The following ABCB9 variants were observed in gnomAD, a reference collection of about 807,000 sequenced individuals.
ABCB9 encodes the protein ABC-type oligopeptide transporter ABCB9.
Under a neutral mutation model 62.0 loss-of-function variants are expected in ABCB9, and 36 were observed. The observed-to-expected ratio is 0.58, with a 90% confidence interval of 0.45 to 0.77. ABCB9 has a LOEUF of 0.77. Ranked by LOEUF, ABCB9 falls within the 30% of genes least tolerant of loss-of-function variation. The pLI is 0.00. For synonymous variants in ABCB9, 435 were observed against 461.4 expected (o/e 0.94, Z 0.73); for missense variants, 943 against 1,054.7 (o/e 0.89, Z 1.47).
downstream of ABCB9, among the ~76,000 whole-genome samples, chr12:122,925,970 G>A (rs377318459): frequency 6.6e-5 from 10 of 152,332 alleles, no homozygotes; most frequent in East Asian, 1.9e-3. Flanking sequence ...TACACATGAT[G>A]AGAGAAGCCA....
intron 9 of ABCB9, among the ~76,000 whole-genome samples, chr12:122,939,002 T>C (rs796445866): frequency 2.0e-5 from 3 of 152,028 alleles, no homozygotes. Flanking sequence ...TGAAACCCTG[T>C]CTGTACTAAA....
At chr12:122,939,260 A>G (rs1342150036) in intron 9 of ABCB9, among the ~76,000 whole-genome samples, 1 of 152,250 alleles carries the variant, frequency 6.6e-6, no homozygotes, top group South Asian at 2.1e-4. Flanking sequence ...CCACCCAGCA[A>G]TGAAAATGAA....
rs775871785 is a variant in ABCB9 at position 122,940,028 on chromosome 12, T to C, written c.1743+83A>G. ...AACTGTCCATTTATCTCTAGTGCCC[T>C]CTTCCGCACCTGTTACAGCTCACAA... On this transcript the variant is annotated intron_variant, in intron 9 of 11. Coordinates refer to ENST00000280560, the MANE Select transcript of ABCB9 (RefSeq NM_019625.4). The surrounding 1 kb of genome is among the most constrained non-coding windows in gnomAD (Gnocchi z 4.8). The C allele has an allele frequency of 6.7e-7, 1 of 1,496,252 alleles. No homozygotes were observed. The highest frequency in any genetic ancestry group is 2.2e-5 in the Admixed American group (1 of 45,358). 92.7% of individuals were successfully genotyped at this position (1,496,252 alleles called of 1,614,324 possible). A position where few individuals can be genotyped will look rare whatever the true frequency, so the allele number is the denominator to read the frequency against.
At chr12:122,950,645 C>T (rs1008230456) in intron 2 of ABCB9, 80 bp from the exon 3 acceptor site, 1 of 1,122,786 alleles carries the variant, frequency 8.9e-7, no homozygotes, top group Non-Finnish European at 1.3e-6. Flanking sequence ...CAGAAGTCCA[C>T]ACACCAACCC....
Position 122,960,279 on chromosome 12 carries a change from C to T in ABCB9, c.-44G>A, listed in dbSNP as rs1270785290. ...GCGGGTGCTGAAGGCCAGGTTGTAG[C>T]TCACGGGGGCAAGGCCATCATCATC... On this transcript the variant is annotated 5_prime_UTR_variant, in exon 2 of 12. Transcript: ENST00000280560. The T allele has an allele frequency of 2.5e-6, 4 of 1,582,370 alleles. No individual in the cohort carries two copies. The highest frequency in any genetic ancestry group is 1.2e-5 in the South Asian group (1 of 85,824).
chr12:122,968,070 CA>C (rs375982085), upstream of ABCB9, among the ~76,000 whole-genome samples: 6,469 of 147,900 alleles, frequency 0.044, 443 homozygotes, highest in African/African-American at 0.15. Context: ...ACTCTGTAGC[CA>C]GAAAAAAAAA....
intron 11 of ABCB9, chr12:122,931,979 C>T: frequency 1.3e-6 from 1 of 796,072 alleles, no homozygotes; most frequent in Non-Finnish European, 2.0e-6. Flanking sequence ...TCTTGCCCCA[C>T]ACCATACAGC....
intron 9 of ABCB9, 44 bp from the exon 10 acceptor site, chr12:122,935,475 T>C (rs377056518): frequency 3.1e-6 from 5 of 1,587,870 alleles, no homozygotes; most frequent in Non-Finnish European, 3.4e-6. Context: ...AGGAATGTGT[T>C]CATCCAGCTG....
At chr12:122,966,760 G>A (rs760573413), upstream of ABCB9, among the ~76,000 whole-genome samples, 2 of 152,258 alleles carry the variant, frequency 1.3e-5, no homozygotes, top group Non-Finnish European at 2.9e-5. Flanking sequence ...GGAGCCACGG[G>A]CCCATCCTGA....
chr12:122,950,628 G>A, intron 2 of ABCB9, 63 bp from the exon 3 acceptor site: 2 of 1,357,748 alleles, frequency 1.5e-6, no homozygotes, highest in Non-Finnish European at 2.0e-6. Flanking sequence ...CCTTCCTCCT[G>A]AGGCTCCAGA....
rs763436577 is a variant in ABCB9 at position 122,935,407 on chromosome 12, C to A, written c.1768G>T (p.Val590Leu). 1 of 1,613,722 alleles carries A rather than the reference C, an allele frequency of 6.2e-7. No homozygotes were observed. The change falls in exon 10 of 12, where the codon GTG (valine) becomes TTG (leucine). Residue 590 changes from valine to leucine, a missense_variant. Transcript: ENST00000280560. ...RVISLVSQEP[V>L]LFARSITDNI... The stretch of plus-strand genomic sequence containing the variant: ...TCCGTGATGGAGCGGGCGAACAGCA[C>A]GGGCTCCTGGCTCACCAGGGAGATC...
Position 122,947,600 on chromosome 12 carries a change from C to T in ABCB9, c.1053+1024G>A. The T allele has an allele frequency of 2.9e-6, 1 of 350,774 alleles. No individual in the cohort carries two copies. The highest frequency in any genetic ancestry group is 2.0e-5 in the South Asian group (1 of 50,420). 21.7% of individuals were successfully genotyped at this position (350,774 alleles called of 1,614,324 possible). Reference sequence around the variant, plus strand: ...GGGTCACAGCCCTGCCTGTCTGAACCCAGCCTGTCTGTCCCTTAGGGCTCG... The same window carrying T: ...GGGTCACAGCCCTGCCTGTCTGAACTCAGCCTGTCTGTCCCTTAGGGCTCG... On this transcript the variant is annotated intron_variant, in intron 5 of 11. Coordinates refer to ENST00000280560, the MANE Select transcript of ABCB9 (RefSeq NM_019625.4). This position sits in a 1 kb window ranked among gnomAD's most constrained non-coding sequence, Gnocchi z 6.0.
At chr12:122,921,316 G>C (rs1027190304) in intron 11 of ABCB9, among the ~76,000 whole-genome samples, 1 of 152,146 alleles carries the variant, frequency 6.6e-6, no homozygotes, top group Non-Finnish European at 1.5e-5. Context: ...TTAGGAGCCT[G>C]AGGCAGAAGG....
At position 122,935,344 on chromosome 12, in the gene ABCB9, T is replaced by C; in HGVS notation, c.1831A>G (p.Met611Val). Residue 611 changes from methionine (M) to valine (V), a missense_variant, in exon 10 of 12, where the codon ATG becomes GTG. By Grantham distance (21) the Met-to-Val change is conservative. Coordinates refer to ENST00000280560, the MANE Select transcript of ABCB9 (RefSeq NM_019625.4). ...GCCTTCTGTGCGGCCTCCACCACCATCTCGAAAGGCACAGTGGGCAGGCCG... is the reference window on the plus strand; with the variant it reads ...GCCTTCTGTGCGGCCTCCACCACCACCTCGAAAGGCACAGTGGGCAGGCCG... ...SYGLPTVPFE[M>V]VVEAAQKANA... is the part of the protein sequence containing the mutation. The C allele has an allele frequency of 1.2e-6, 2 of 1,614,034 alleles. No individual in the cohort carries two copies. The highest frequency in any genetic ancestry group is 1.7e-6 in the Non-Finnish European group (2 of 1,179,998).
rs1485385056 is a variant in ABCB9, at chr12:122,940,721, C to A, written c.1569+86G>T. 19 of 1,431,358 alleles carry A rather than the reference C, an allele frequency of 1.3e-5. No individual in the cohort carries two copies. The highest frequency in any genetic ancestry group is 1.8e-5 in the Non-Finnish European group (19 of 1,078,660). 88.7% of individuals were successfully genotyped at this position (1,431,358 alleles called of 1,614,324 possible). A position where few individuals can be genotyped will look rare whatever the true frequency, so the allele number is the denominator to read the frequency against. On this transcript the variant is annotated intron_variant, in intron 8 of 11. Coordinates refer to ENST00000280560, the MANE Select transcript of ABCB9 (RefSeq NM_019625.4). This position sits in a 1 kb window ranked among gnomAD's most constrained non-coding sequence, Gnocchi z 4.8. Reference sequence around the variant, plus strand: ...TCTTGCCTGACATATTCCCAGCTGCCCTGCCACAGCCTGGTGTATAGGAGG... The same window carrying A: ...TCTTGCCTGACATATTCCCAGCTGCACTGCCACAGCCTGGTGTATAGGAGG...
At chr12:122,948,400 G>A (rs970003244) in intron 5 of ABCB9, 4 of 458,136 alleles carry the variant, frequency 8.7e-6, no homozygotes, top group Admixed American at 8.1e-5. Context: ...CAAGTTCCAG[G>A]AAGGCAGGGG....
Position 122,944,770 on chromosome 12 carries a change from G to C in ABCB9, c.1252-251C>G, listed in dbSNP as rs1594022061. On this transcript the variant is annotated intron_variant, in intron 6 of 11. Coordinates refer to ENST00000280560, the MANE Select transcript of ABCB9 (RefSeq NM_019625.4). The surrounding 1 kb of genome is among the most constrained non-coding windows in gnomAD (Gnocchi z 4.9). ...CCACAGAACAAGGCTTTCTTTGTGA[G>C]GTCCTGGCACACACATGCCACCCCC... The C allele has an allele frequency of 2.4e-6, 1 of 424,064 alleles. No homozygotes were observed. Among genetic ancestry groups the C allele is most frequent in the South Asian group, 3.0e-5 (1 of 33,800 alleles). 26.3% of individuals were successfully genotyped at this position (424,064 alleles called of 1,614,324 possible). A position where few individuals can be genotyped will look rare whatever the true frequency, so the allele number is the denominator to read the frequency against.
chr12:122,930,110 A>G lies in ABCB9; in HGVS notation c.2102T>C (p.Leu701Pro), dbSNP rs1302344408. The G allele has an allele frequency of 6.4e-7, 1 of 1,556,392 alleles. No individual in the cohort carries two copies. The highest frequency in any genetic ancestry group is 8.7e-7 in the Non-Finnish European group (1 of 1,149,922). The stretch of plus-strand genomic sequence containing the variant: ...GAGGTGCGCGTGCTCCACGGTGCTC[A>G]GCCGGTGCGCGATGATGAGTACCGT... ...KHTVLIIAHR[L>P]STVEHAHLIV... Residue 701 changes from leucine to proline, a missense_variant, in exon 12 of 12, where the codon CTG (leucine) becomes CCG (proline). Coordinates refer to ENST00000280560, the MANE Select transcript of ABCB9 (RefSeq NM_019625.4). The surrounding 1 kb of genome is among the most constrained non-coding windows in gnomAD (Gnocchi z 4.9).
intron 9 of ABCB9, chr12:122,939,364 C>T (rs1425283194): frequency 1.3e-5 from 2 of 152,204 alleles, no homozygotes; most frequent in East Asian, 3.9e-4. Context: ...ACGATTCTAC[C>T]CAGATGAAGT....
Sources: gnomAD v4.1 joint callset for allele counts (sites outside exome capture counted in the v4.1 genomes callset) on GRCh38, gnomAD v4.1.1 for gene constraint, Gnocchi (gnomAD v3.1) non-coding constraint, MANE v1.5 for transcripts, NCBI Gene and HGNC (gene_info 2026-07-23, HGNC 2026-07-21) for gene names.